TPPP2: variants seen among roughly 807,000 people sequenced by gnomAD.
TPPP2 encodes the protein tubulin polymerization promoting protein family member 2, also known as tubulin polymerization-promoting protein family member 2.
In TPPP2, 8 loss-of-function variants were observed where a neutral mutation model predicts 13.0. That is an observed-to-expected ratio of 0.62 (90% CI 0.36 to 1.11). TPPP2 has a LOEUF of 1.11. TPPP2 is among the 50% of genes most tolerant of loss of function. The pLI is 0.02. For missense variants in TPPP2, 213 were observed against 216.9 expected (o/e 0.98, Z 0.11); for synonymous variants, 81 against 81.8 (o/e 0.99, Z 0.05).
chr14:21,035,662 G>A, downstream of TPPP2: 1 of 419,786 alleles, frequency 2.4e-6, no homozygotes. Context: ...AGGGAGTAAG[G>A]CCGCAGAGAG....
downstream of TPPP2, chr14:21,033,558 T>G (rs1884394388): frequency 5.9e-6 from 3 of 509,342 alleles, no homozygotes; most frequent in Admixed American, 3.3e-5. Context: ...ACTTCTTGGG[T>G]GGGTTTTACT....
At chr14:21,024,608 T>C (rs1456380407) in intron 1 of TPPP2, 1 of 985,332 alleles carries the variant, frequency 1.0e-6, no homozygotes. Context: ...AGTCTCCGTG[T>C]AGGTCCCACG....
upstream of TPPP2, chr14:21,025,761 G>A: frequency 1.1e-6 from 1 of 909,274 alleles, no homozygotes; most frequent in Non-Finnish European, 1.3e-6. The surrounding 1 kb of genome is among the most constrained non-coding windows in gnomAD (Gnocchi z 5.1). Context: ...GTGGGGGCGG[G>A]GAATGCGGGG....
Position 21,030,599 on chromosome 14 carries a change from A to C in TPPP2, c.18A>C (p.Glu6Asp). The C allele has an allele frequency of 6.2e-7, 1 of 1,613,876 alleles. No individual in the cohort carries two copies. Among genetic ancestry groups the C allele is most frequent in the Non-Finnish European group, 8.5e-7 (1 of 1,179,946 alleles). The change falls in exon 2 of 4, where the codon GAA becomes GAC. Residue 6 changes from glutamate (E) to aspartate (D), a missense_variant. By Grantham distance (45) the Glu-to-Asp change is conservative. Transcript: ENST00000321760. MASEA[E>D]KTFHRFAAFG... ...AGCTGACCATGGCATCAGAGGCAGA[A>C]AAAACATTCCATCGGTTTGCTGCGT...
rs772664707 is a variant in TPPP2, at chr14:21,030,550, C to G, written c.-32C>G. Reference sequence around the variant, plus strand: ...CTTCTCCTTCACCCCCAAGTGTCTCCCACGACTGCCCTCCCCGACCTCTAG... The same window carrying G: ...CTTCTCCTTCACCCCCAAGTGTCTCGCACGACTGCCCTCCCCGACCTCTAG... On this transcript the variant is annotated 5_prime_UTR_variant, in exon 2 of 4. Coordinates refer to ENST00000321760, the MANE Select transcript of TPPP2 (RefSeq NM_173846.5). 1.2e-6 allele frequency: 2 copies of G among 1,605,798 alleles called. No homozygotes were observed. Among genetic ancestry groups the G allele is most frequent in the African/African-American group, 2.7e-5 (2 of 74,938 alleles).
chr14:21,034,225 C>G, downstream of TPPP2: 4 of 1,614,118 alleles, frequency 2.5e-6, no homozygotes, highest in African/African-American at 1.3e-5. Flanking sequence ...ATCTTGATGT[C>G]CATGACCAGA....
In TPPP2 at chr14:21,032,350, T is replaced by C. The variant is rs1333246645; in HGVS notation, c.*273T>C. The C allele has an allele frequency of 1.8e-6, 1 of 550,458 alleles. No individual in the cohort carries two copies. Among genetic ancestry groups the C allele is most frequent in the Non-Finnish European group, 3.5e-6 (1 of 289,600 alleles). The allele number at this position is 550,458 out of a possible 1,614,324, so 34.1% of individuals were successfully genotyped here. On this transcript the variant is annotated 3_prime_UTR_variant, in exon 4 of 4. Transcript: ENST00000321760. ...TCCAAGAACAGGATGGAAGAATATATTTGGAGTAAAGAGATGAACCAGATG... is the reference window on the plus strand; with the variant it reads ...TCCAAGAACAGGATGGAAGAATATACTTGGAGTAAAGAGATGAACCAGATG...
At chr14:21,024,960 A>G (rs1470690234) in intron 1 of TPPP2, 1 of 985,416 alleles carries the variant, frequency 1.0e-6, no homozygotes, top group Non-Finnish European at 1.2e-6. Flanking sequence ...ACGCGGATCA[A>G]TCACACCGCC....
At chr14:21,033,615 G>T (rs749658923), downstream of TPPP2, 3 of 598,830 alleles carry the variant, frequency 5.0e-6, no homozygotes, top group Admixed American at 2.9e-5. Flanking sequence ...CGAAGAGGGG[G>T]TAAACAAGCT....
chr14:21,024,458 G>A, intron 1 of TPPP2: 1 of 945,012 alleles, frequency 1.1e-6, no homozygotes, highest in Non-Finnish European at 1.3e-6. Flanking sequence ...ATCTGCAGGG[G>A]GACTAAACGC....
intron 3 of TPPP2, 125 bp downstream of exon 3, chr14:21,031,290 C>G: frequency 4.7e-6 from 6 of 1,289,892 alleles, no homozygotes; most frequent in Non-Finnish European, 6.3e-6. Flanking sequence ...TAGAGATCAT[C>G]TAGACATTCC....
downstream of TPPP2, chr14:21,033,235 T>A: frequency 3.1e-6 from 1 of 327,802 alleles, no homozygotes; most frequent in South Asian, 2.4e-5. Flanking sequence ...AGGACAGTTA[T>A]ATGAAGGGAG....
upstream of TPPP2, among the ~76,000 whole-genome samples, chr14:21,026,344 AC>A (rs1239522531): frequency 2.3e-4 from 30 of 133,186 alleles, no homozygotes; most frequent in Admixed American, 8.1e-4. Flanking sequence ...ATCCACCCCA[AC>A]CCCCTTCAGA....
At chr14:21,024,866 G>T in intron 1 of TPPP2, 1 of 985,722 alleles carries the variant, frequency 1.0e-6, no homozygotes, top group Non-Finnish European at 1.2e-6. Context: ...ACGCCCTGCA[G>T]CTCTTGGAGC....
At chr14:21,033,639 A>T, downstream of TPPP2, 1 of 615,372 alleles carries the variant, frequency 1.6e-6, no homozygotes, top group Non-Finnish European at 2.9e-6. Context: ...AAGAACCTAG[A>T]AGATAGCACC....
chr14:21,032,177 CTCTG>C lies in TPPP2; in HGVS notation c.*106_*109del. 1 of 1,275,328 alleles carries C rather than the reference CTCTG, an allele frequency of 7.8e-7. No individual in the cohort carries two copies. The highest frequency in any genetic ancestry group is 1.5e-5 in the African/African-American group (1 of 68,152). 79.0% of individuals were successfully genotyped at this position (1,275,328 alleles called of 1,614,324 possible). A position where few individuals can be genotyped will look rare whatever the true frequency, so the allele number is the denominator to read the frequency against. ...CATCTGTGTGTGCAGCAGCCAAAAT[CTCTG>C]TCTGTGAGGGACAGATGAGCCTACT... is the stretch of plus-strand genomic sequence containing the variant. On this transcript the variant is annotated 3_prime_UTR_variant, in exon 4 of 4. Coordinates refer to ENST00000321760, the MANE Select transcript of TPPP2 (RefSeq NM_173846.5).
chr14:21,033,638 G>A (rs1248595116), downstream of TPPP2: 8 of 614,800 alleles, frequency 1.3e-5, no homozygotes, highest in Non-Finnish European at 2.0e-5. Flanking sequence ...AAAGAACCTA[G>A]AAGATAGCAC....
At chr14:21,027,751 C>T (rs56335809), upstream of TPPP2, among the ~76,000 whole-genome samples, 32,011 of 152,130 alleles carry the variant, frequency 0.21, 3,484 homozygotes, top group Non-Finnish European at 0.24. Flanking sequence ...GAAATCCTCA[C>T]GCCAGGAGGC....
At chr14:21,031,238 C>G (rs757071208) in intron 3 of TPPP2, 73 bp downstream of exon 3, 13 of 1,551,450 alleles carry the variant, frequency 8.4e-6, no homozygotes, top group Middle Eastern at 1.7e-4. Context: ...CTCCCTAACC[C>G]TGCCAACTGT....
Sources: gnomAD v4.1 joint callset for allele counts (sites outside exome capture counted in the v4.1 genomes callset) on GRCh38, gnomAD v4.1.1 for gene constraint, Gnocchi (gnomAD v3.1) non-coding constraint, MANE v1.5 for transcripts, NCBI Gene and HGNC (gene_info 2026-07-23, HGNC 2026-07-21) for gene names.